The following HEPHL1 variants were observed in gnomAD, a reference collection of about 807,000 sequenced individuals.
The protein encoded by HEPHL1 is hephaestin like 1, also known as ferroxidase HEPHL1.
HEPHL1 carries 123 observed loss-of-function variants against 122.0 expected under a neutral mutation model. The ratio of observed to expected loss-of-function variants is 1.01; its 90% CI spans 0.87 to 1.17. The LOEUF (loss-of-function observed/expected upper bound fraction) is 1.17. Among genes scored for constraint, HEPHL1 ranks in the 50% most tolerant of loss-of-function variants. The pLI is 0.00. For missense variants in HEPHL1, 1,452 were observed against 1,430.5 expected (o/e 1.01, Z -0.24); for synonymous variants, 527 against 508.9 (o/e 1.04, Z -0.48).
chr11:94,051,451 C>G (rs1218752106), intron 2 of HEPHL1, among the ~76,000 whole-genome samples: 3 of 152,112 alleles, frequency 2.0e-5, no homozygotes, highest in East Asian at 3.8e-4. Context: ...TGTATGTCTT[C>G]TTTTGAGAAA....
At chr11:94,070,605 T>C (rs1878800) in intron 6 of HEPHL1, 63 bp downstream of exon 6, 548,263 of 1,356,290 alleles carry the variant, frequency 0.4, 113,895 homozygotes, top group Admixed American at 0.5. Flanking sequence ...AGGCTTTCTC[T>C]GTGATCTAAT....
At chr11:94,041,580 A>G (rs1212309791) in intron 1 of HEPHL1, among the ~76,000 whole-genome samples, 1 of 76,504 alleles carries the variant, frequency 1.3e-5, no homozygotes, top group Non-Finnish European at 2.7e-5. Flanking sequence ...CATACCTACA[A>G]CTATCTGATC....
chr11:94,104,444 C>G, intron 15 of HEPHL1, 84 bp from the exon 16 acceptor site: 1 of 927,804 alleles, frequency 1.1e-6, no homozygotes, highest in South Asian at 1.6e-5. Flanking sequence ...GTATTATGAC[C>G]CTACACTAGA....
intron 1 of HEPHL1, among the ~76,000 whole-genome samples, chr11:94,023,324 A>G (rs555765135): frequency 4.6e-5 from 7 of 152,334 alleles, no homozygotes; most frequent in Admixed American, 2.0e-4. Flanking sequence ...TGCCAAAGGC[A>G]TGTTTAGTCT....
In HEPHL1 at chr11:94,085,986, G is replaced by A. The variant is rs1453928773; in HGVS notation, c.1877G>A (p.Gly626Asp). ...TTCTTCTTCCATTTAGCTGTTAACG[G>A]CTACATGTATGGCAACCAGCCAGGC... ...VKSNRMHAVN[G>D]YMYGNQPGLN... Residue 626 changes from glycine to aspartate, a missense_variant, in exon 11 of 20, where the codon GGC becomes GAC. By Grantham distance (94) the Gly-to-Asp change is moderately conservative (BLOSUM62 -1). Coordinates refer to ENST00000315765, the MANE Select transcript of HEPHL1 (RefSeq NM_001098672.2). The A allele has an allele frequency of 6.2e-7, 1 of 1,613,224 alleles. No homozygotes were observed. The highest frequency in any genetic ancestry group is 8.5e-7 in the Non-Finnish European group (1 of 1,179,484).
chr11:94,104,481 T>C (rs1490623452), intron 15 of HEPHL1, 47 bp from the exon 16 acceptor site: 1 of 1,314,702 alleles, frequency 7.6e-7, no homozygotes, highest in Non-Finnish European at 1.1e-6. Flanking sequence ...TGAAATATTA[T>C]TAAATTACTT....
chr11:94,096,333 C>T (rs1030633031), intron 13 of HEPHL1, among the ~76,000 whole-genome samples: 3 of 152,108 alleles, frequency 2.0e-5, no homozygotes, highest in Admixed American at 6.5e-5. Context: ...TATTGATTTG[C>T]ATTATGTTGA....
chr11:94,030,502 C>A (rs533509799), intron 1 of HEPHL1, among the ~76,000 whole-genome samples: 1 of 152,244 alleles, frequency 6.6e-6, no homozygotes, highest in Non-Finnish European at 1.5e-5. Context: ...TAGGGTGTGA[C>A]CCTCTTCCTC....
At chr11:94,102,667 C>A (rs548937605) in intron 14 of HEPHL1, among the ~76,000 whole-genome samples, 4 of 152,286 alleles carry the variant, frequency 2.6e-5, no homozygotes, top group African/African-American at 9.6e-5. Flanking sequence ...CCTGAATACA[C>A]ACCAGTTGAC....
In HEPHL1 at chr11:94,044,134, G is replaced by A. The variant is rs138980489; in HGVS notation, c.171-1539G>A. Among the ~76,000 whole-genome samples the A allele has an allele frequency of 2.1e-3, 321 of 151,948 alleles. 2 individuals are homozygous for A. Among genetic ancestry groups the A allele is most frequent in the African/African-American group, 7.4e-3 (307 of 41,452 alleles). Reference sequence around the variant, plus strand: ...GAGCTCCAAGCCAAGCAAATAGACCGAGAATGGGGAAGGGGGCTTCACCTC... The same window carrying A: ...GAGCTCCAAGCCAAGCAAATAGACCAAGAATGGGGAAGGGGGCTTCACCTC... On this transcript the variant is annotated intron_variant, in intron 1 of 19. Coordinates refer to ENST00000315765, the MANE Select transcript of HEPHL1 (RefSeq NM_001098672.2).
intron 1 of HEPHL1, among the ~76,000 whole-genome samples, chr11:94,023,195 T>C (rs1391238132): frequency 6.6e-6 from 1 of 152,224 alleles, no homozygotes; most frequent in Non-Finnish European, 1.5e-5. Flanking sequence ...ACAGCCCATA[T>C]TTCTTTTCAC....
intron 11 of HEPHL1, among the ~76,000 whole-genome samples, chr11:94,088,003 C>A (rs547763150): frequency 2.6e-5 from 4 of 152,282 alleles, no homozygotes; most frequent in Non-Finnish European, 1.5e-5. Context: ...CCAATATTTT[C>A]ATTGAGAGTT....
intron 9 of HEPHL1, among the ~76,000 whole-genome samples, chr11:94,079,654 A>C (rs1219444340): frequency 1.3e-5 from 2 of 152,232 alleles, no homozygotes; most frequent in African/African-American, 4.8e-5. Context: ...AGAGGGATGC[A>C]GAACACAGCA....
chr11:94,096,354 C>G (rs571398060), intron 13 of HEPHL1, among the ~76,000 whole-genome samples: 129 of 152,320 alleles, frequency 8.5e-4, no homozygotes, highest in African/African-American at 3.1e-3. Context: ...ACCAGTCTTG[C>G]ATCCCAGGGA....
In HEPHL1 at chr11:94,093,643, A is replaced by G; in HGVS notation, c.2434+3A>G. 6.2e-7 allele frequency: 1 copy of G among 1,612,198 alleles called. No homozygotes were observed. On this transcript the variant is annotated splice_donor_region_variant and intron_variant, in intron 13 of 19. Transcript: ENST00000315765. ...AGAGGAGCACTTAGAACTCCTGGGT[A>G]TGGCACAGATTTCAGGCGTGCACTG...
rs758295286 is a variant in HEPHL1, at chr11:94,075,196, T to G, written c.1527T>G (p.His509Gln). 2.5e-6 allele frequency: 4 copies of G among 1,613,084 alleles called. No homozygotes were observed. The highest frequency in any genetic ancestry group is 4.5e-5 in the East Asian group (2 of 44,878). The change falls in exon 9 of 20, where the codon CAT (histidine) becomes CAG (glutamine). Residue 509 changes from histidine to glutamine, a missense_variant. By Grantham distance (24) the His-to-Gln change is conservative (BLOSUM62 0). Coordinates refer to ENST00000315765, the MANE Select transcript of HEPHL1 (RefSeq NM_001098672.2). Reference protein sequence around the residue: ...NLDGFVKPGAHVKPGETFTYK... With the variant: ...NLDGFVKPGAQVKPGETFTYK... ...CAGGATTTGTGAAACCAGGGGCGCATGTTAAACCAGGTGAAACCTTCACAT... is the reference window on the plus strand; with the variant it reads ...CAGGATTTGTGAAACCAGGGGCGCAGGTTAAACCAGGTGAAACCTTCACAT...
rs192350278 is a variant in HEPHL1 at position 94,099,262 on chromosome 11, G to A, written c.2435-1933G>A. Among the ~76,000 whole-genome samples, 12 of 152,342 alleles carry A rather than the reference G, an allele frequency of 7.9e-5. No individual in the cohort carries two copies. In the East Asian group the frequency reaches 1.9e-3, roughly 24 times the overall value. Reference sequence around the variant, plus strand: ...GGCCCTCAGCTGCAGGTCTGTTGGAGTTTGCTGGAGGTCCACTCTGGACCC... The same window carrying A: ...GGCCCTCAGCTGCAGGTCTGTTGGAATTTGCTGGAGGTCCACTCTGGACCC... On this transcript the variant is annotated intron_variant, in intron 13 of 19. Coordinates refer to ENST00000315765, the MANE Select transcript of HEPHL1 (RefSeq NM_001098672.2).
intron 9 of HEPHL1, among the ~76,000 whole-genome samples, chr11:94,078,476 TGGAGAAAGAGACACACAGAGAG>T (rs1946144872): frequency 4.0e-5 from 5 of 125,788 alleles, no homozygotes; most frequent in African/African-American, 5.9e-5. Context: ...TATATATATA[TGGAGAAAGAGACACACAGAGAG>T]ATATTTATTA....
intron 2 of HEPHL1, among the ~76,000 whole-genome samples, chr11:94,059,144 T>A (rs917150216): frequency 6.6e-6 from 1 of 152,196 alleles, no homozygotes; most frequent in Non-Finnish European, 1.5e-5. Context: ...ATATCCTTGC[T>A]CATTTGTATA....
Sources: allele counts gnomAD v4.1 joint callset (sites outside exome capture counted in the v4.1 genomes callset), GRCh38; gene constraint gnomAD v4.1.1; transcripts MANE v1.5; gene names NCBI Gene and HGNC (gene_info 2026-07-23, HGNC 2026-07-21).